Variants in RYR3 observed in about 807,000 individuals in gnomAD.
RYR3 encodes the protein ryanodine receptor 3, also known as brain ryanodine receptor-calcium release channel.
Under a neutral mutation model 584.3 loss-of-function variants are expected in RYR3, and 207 were observed. The observed-to-expected ratio is 0.35, with a 90% CI of 0.32 to 0.40. The LOEUF is 0.40. Ranked by LOEUF, RYR3 falls within the 10% of genes least tolerant of loss-of-function variation. The pLI is 1.00. For synonymous variants in RYR3, 2,416 were observed against 2,248.5 expected, an observed-to-expected ratio of 1.07 and a Z score of -2.11; for missense variants, 5,616 against 6,089.2, an observed-to-expected ratio of 0.92 and a Z score of 2.59.
intron 1 of RYR3, among the ~76,000 whole-genome samples, chr15:33,368,804 T>C (rs17235989): frequency 0.056 from 8,506 of 152,146 alleles, 319 homozygotes; most frequent in Non-Finnish European, 0.087. Flanking sequence ...TGGGCTCTAG[T>C]GTCTCGAGAT....
chr15:33,522,810 G>A (rs535997095), intron 3 of RYR3, among the ~76,000 whole-genome samples: 2 of 152,212 alleles, frequency 1.3e-5, no homozygotes, highest in Admixed American at 6.5e-5. Flanking sequence ...CCTCATCACA[G>A]GCCATACTCA....
chr15:33,666,465 A>C (rs1283548759), intron 36 of RYR3, among the ~76,000 whole-genome samples: 1 of 152,218 alleles, frequency 6.6e-6, no homozygotes, highest in South Asian at 2.1e-4. Flanking sequence ...CATCCCTCTC[A>C]GAGTATTCAC....
At position 33,854,391 on chromosome 15, in the gene RYR3, T is replaced by C. The variant is rs1014332640; in HGVS notation, c.13802T>C (p.Leu4601Pro). 4 of 1,571,880 alleles carry C rather than the reference T, an allele frequency of 2.5e-6. No homozygotes were observed. In the African/African-American group the frequency reaches 5.4e-5, roughly 21 times the overall value. Residue 4601 changes from leucine (L) to proline (P), a missense_variant and splice_region_variant, in exon 97 of 104, where the codon CTA (leucine) becomes CCA (proline). By Grantham distance (98) the Leu-to-Pro change is moderately conservative. This residue lies in a region of RYR3 where 918 missense variants were observed against 887.4 expected (regional missense o/e 1.03). Coordinates refer to ENST00000634891, the MANE Select transcript of RYR3 (RefSeq NM_001036.6). ...KAEAASLVSW[L>P]SSIDMKYHIW... is the part of the protein sequence containing the mutation. ...TAAAATCACTTGTTCTTCTCTAGGC[T>C]AAGTTCCATAGACATGAAGTACCAT...
chr15:33,736,886 C>T (rs1283522032), intron 49 of RYR3, among the ~76,000 whole-genome samples: 2 of 151,902 alleles, frequency 1.3e-5, no homozygotes, highest in Non-Finnish European at 2.9e-5. Context: ...GTAGCTGGGA[C>T]TAGAGGCACA....
intron 103 of RYR3, 89 bp from the exon 104 acceptor site, chr15:33,865,042 C>T: frequency 4.3e-6 from 4 of 938,834 alleles, no homozygotes; most frequent in Non-Finnish European, 6.8e-6. Flanking sequence ...ATCAGTCTTC[C>T]TAAAGGGAGC....
chr15:33,798,096 A>ATTTTTT (rs76914470), intron 67 of RYR3, among the ~76,000 whole-genome samples: 2 of 151,048 alleles, frequency 1.3e-5, no homozygotes, highest in African/African-American at 4.9e-5. Context: ...TTATTTATTT[A>ATTTTTT]TTTTTTTTGA....
At chr15:33,803,724 A>G (rs1414065770) in intron 69 of RYR3, among the ~76,000 whole-genome samples, 1 of 152,180 alleles carries the variant, frequency 6.6e-6, no homozygotes, top group Non-Finnish European at 1.5e-5. Flanking sequence ...CATGTTGGCC[A>G]GGCTGGTCTC....
chr15:33,620,971 C>T (rs2060696887), intron 19 of RYR3, among the ~76,000 whole-genome samples: 1 of 152,154 alleles, frequency 6.6e-6, no homozygotes, highest in Non-Finnish European at 1.5e-5. Flanking sequence ...TGATTCCTGC[C>T]TGTGTTAATT....
intron 86 of RYR3, among the ~76,000 whole-genome samples, chr15:33,834,233 G>A (rs1287910392): frequency 2.0e-5 from 3 of 151,752 alleles, no homozygotes; most frequent in East Asian, 1.9e-4. Flanking sequence ...GCAGTAAGCC[G>A]AGATCATGCC....
intron 1 of RYR3, among the ~76,000 whole-genome samples, chr15:33,459,750 G>C (rs180879274): frequency 2.8e-4 from 42 of 152,262 alleles, no homozygotes; most frequent in Admixed American, 1.7e-3. Context: ...TTTAAGTGAA[G>C]ACCAGCTGCC....
chr15:33,472,284 G>T (rs144988183), intron 1 of RYR3, among the ~76,000 whole-genome samples: 2 of 152,316 alleles, frequency 1.3e-5, no homozygotes, highest in East Asian at 3.9e-4. Context: ...ATCGTGAATT[G>T]CTTCGCACTC....
At chr15:33,819,345 A>G (rs1381840782) in intron 76 of RYR3, among the ~76,000 whole-genome samples, 2 of 152,202 alleles carry the variant, frequency 1.3e-5, no homozygotes, top group African/African-American at 4.8e-5. Context: ...TGAGATTTAT[A>G]TGACTCTTAG....
Position 33,831,437 on chromosome 15 carries a change from A to G in RYR3, c.11463+346A>G, listed in dbSNP as rs1368038605. On this transcript the variant is annotated intron_variant, in intron 86 of 103. Coordinates refer to ENST00000634891, the MANE Select transcript of RYR3 (RefSeq NM_001036.6). ...ATGTCTGGCATATATCTGTTCAGTA[A>G]GCATGGAGAGTGGAGTGGAGAAATG... 2.6e-5 allele frequency among the ~76,000 whole-genome samples: 4 copies of G among 152,396 alleles called. No individual in the cohort carries two copies. In the East Asian group the frequency reaches 7.7e-4, roughly 29 times the overall value.
Position 33,473,449 on chromosome 15 carries a change from A to C in RYR3, c.82A>C (p.Thr28Pro), listed in dbSNP as rs780220169. Residue 28 changes from threonine to proline, a missense_variant, in exon 2 of 104, where the codon ACC (threonine) becomes CCC (proline). Thr to Pro is a conservative substitution (Grantham distance 38). Around this residue, in one of 9 missense-constraint regions of RYR3, gnomAD observed 1,284 missense variants for 1,344.6 expected, o/e 0.95. Coordinates refer to ENST00000634891, the MANE Select transcript of RYR3 (RefSeq NM_001036.6). ...TGAAGTGGTACTCCAGTGCATCGCCACCATTCATAAGGAGCAGAGGAAGTT... is the reference window on the plus strand; with the variant it reads ...TGAAGTGGTACTCCAGTGCATCGCCCCCATTCATAAGGAGCAGAGGAAGTT... Reference protein sequence around the residue: ...EDEVVLQCIATIHKEQRKFCL... With the variant: ...EDEVVLQCIAPIHKEQRKFCL... The C allele has an allele frequency of 6.2e-7, 1 of 1,613,860 alleles. No individual in the cohort carries two copies. The highest frequency in any genetic ancestry group is 8.5e-7 in the Non-Finnish European group (1 of 1,179,826).
At chr15:33,631,649 C>G (rs1049223651) in intron 23 of RYR3, among the ~76,000 whole-genome samples, 16 of 152,184 alleles carry the variant, frequency 1.1e-4, no homozygotes, top group African/African-American at 3.1e-4. Context: ...ATTGGACCAG[C>G]CTTGTAAGTC....
At chr15:33,845,852 C>T (rs967416238) in intron 93 of RYR3, among the ~76,000 whole-genome samples, 7 of 152,338 alleles carry the variant, frequency 4.6e-5, no homozygotes, top group Non-Finnish European at 8.8e-5. Flanking sequence ...TGCTGCATAA[C>T]AAACCACTCT....
intron 2 of RYR3, among the ~76,000 whole-genome samples, chr15:33,496,105 G>A (rs773392595): frequency 3.9e-5 from 6 of 152,294 alleles, no homozygotes; most frequent in African/African-American, 1.4e-4. Context: ...TTCTAGAGGC[G>A]ATAGTGGTTT....
intron 38 of RYR3, among the ~76,000 whole-genome samples, chr15:33,672,988 A>G (rs1306983522): frequency 1.3e-5 from 2 of 152,220 alleles, no homozygotes; most frequent in African/African-American, 4.8e-5. Flanking sequence ...ACGTAAAGTG[A>G]GTAAAGCTAT....
At chr15:33,658,509 C>G (rs1232852356) in intron 32 of RYR3, among the ~76,000 whole-genome samples, 2 of 152,216 alleles carry the variant, frequency 1.3e-5, no homozygotes, top group African/African-American at 2.4e-5. Flanking sequence ...GACACAAGTT[C>G]TAGGGGAATG....
Sources: allele counts gnomAD v4.1 joint callset (sites outside exome capture counted in the v4.1 genomes callset), GRCh38; gene constraint gnomAD v4.1.1; regional missense constraint gnomAD v4.1.1; transcripts MANE v1.5; gene names NCBI Gene and HGNC (gene_info 2026-07-23, HGNC 2026-07-21).